YTHDF2: variants seen among roughly 807,000 people sequenced by gnomAD.
The protein encoded by YTHDF2 is YTH domain-containing family protein 2.
In YTHDF2, 2 loss-of-function variants were observed where a neutral mutation model predicts 50.4. That is an observed-to-expected ratio of 0.04 (90% CI 0.02 to 0.12). The LOEUF (loss-of-function observed/expected upper bound fraction) is 0.12, where lower values mean the gene tolerates loss of function less well. Ranked by LOEUF, YTHDF2 falls within the 10% of genes least tolerant of loss-of-function variation. YTHDF2 has a pLI of 1.00. For synonymous variants in YTHDF2, 217 were observed against 255.6 expected (o/e 0.85, Z 1.44); for missense variants, 483 against 722.6 (o/e 0.67, Z 3.80).
Position 28,758,737 on chromosome 1 carries a change from T to G in YTHDF2, c.1717-10192T>G, listed in dbSNP as rs2124197674. Among the ~76,000 whole-genome samples, 4 of 152,324 alleles carry G rather than the reference T, an allele frequency of 2.6e-5. 1 individual carries two copies. The highest frequency in any genetic ancestry group is 2.6e-4 in the Admixed American group (4 of 15,302). ...CCTCACTTTGGTGGCAGAGCTAGAA[T>G]TAGAACCTAGACAAGTTCTTGGCTA... On this transcript the variant is annotated intron_variant, in intron 4 of 4. Transcript: ENST00000373812.
At chr1:28,755,050 T>C (rs2088016759) in intron 4 of YTHDF2, among the ~76,000 whole-genome samples, 1 of 150,486 alleles carries the variant, frequency 6.6e-6, no homozygotes, top group Non-Finnish European at 1.5e-5. Flanking sequence ...AAAAAGATGA[T>C]GAGGGCCTGA....
rs61787570 is a variant in YTHDF2, at chr1:28,742,931, G to A, written c.661G>A (p.Val221Met). 7,334 of 1,614,090 alleles carry A rather than the reference G, an allele frequency of 4.5e-3. 30 individuals carry two copies. Among genetic ancestry groups the A allele is most frequent in the Non-Finnish European group, 5.5e-3 (6,523 of 1,180,018 alleles). Residue 221 changes from valine to methionine, a missense_variant, in exon 4 of 5, where the codon GTG becomes ATG. Physicochemically the swap from Val to Met is conservative, Grantham distance 21. Around this residue, in one of 4 missense-constraint regions of YTHDF2, gnomAD observed 385 missense variants for 475.8 expected, o/e 0.81. Transcript: ENST00000373812. Reference sequence around the variant, plus strand: ...TAGCGGGTCCATTACTAGTAACATCGTGGCTTCCAATAGTTTGCCTCCAGC... The same window carrying A: ...TAGCGGGTCCATTACTAGTAACATCATGGCTTCCAATAGTTTGCCTCCAGC... ...VGSGSITSNI[V>M]ASNSLPPATI... is the part of the protein sequence containing the mutation.
In YTHDF2 at chr1:28,742,553, G is replaced by A. The variant is rs781678699; in HGVS notation, c.283G>A (p.Gly95Arg). Residue 95 changes from glycine (G) to arginine (R), a missense_variant, in exon 4 of 5, where the codon GGA (glycine) becomes AGA (arginine). Gly to Arg is a moderately radical substitution (Grantham distance 125). Transcript: ENST00000373812. Reference protein sequence around the residue: ...YLTSYGQLSNGEPHFLPDAMF... With the variant: ...YLTSYGQLSNREPHFLPDAMF... ...AACTTCTTATGGACAGCTGAGCAAC[G>A]GAGAGCCCCACTTCCTACCAGATGC... is the stretch of plus-strand genomic sequence containing the variant. 2.5e-6 allele frequency: 4 copies of A among 1,614,064 alleles called. No individual in the cohort carries two copies. Among genetic ancestry groups the A allele is most frequent in the Non-Finnish European group, 2.5e-6 (3 of 1,180,006 alleles).
intron 4 of YTHDF2, among the ~76,000 whole-genome samples, chr1:28,766,634 C>G (rs893572344): frequency 1.3e-5 from 2 of 151,982 alleles, no homozygotes; most frequent in African/African-American, 4.8e-5. Flanking sequence ...ATGTAAATAA[C>G]TTGTTTCTCA....
chr1:28,753,673 G>A (rs1013635362), intron 4 of YTHDF2, among the ~76,000 whole-genome samples: 1 of 151,608 alleles, frequency 6.6e-6, no homozygotes, highest in African/African-American at 2.4e-5. Context: ...GATTGGTTGG[G>A]CAAGTATATG....
intron 4 of YTHDF2, among the ~76,000 whole-genome samples, chr1:28,744,826 G>T (rs373300068): frequency 6.6e-6 from 1 of 151,946 alleles, no homozygotes; most frequent in Non-Finnish European, 1.5e-5. Context: ...GCACCACCAT[G>T]CCCGGCTAGT....
chr1:28,739,837 A>G (rs1284267351), intron 3 of YTHDF2, among the ~76,000 whole-genome samples: 2 of 152,194 alleles, frequency 1.3e-5, no homozygotes, highest in Non-Finnish European at 2.9e-5. Context: ...GTTCTTTTGT[A>G]TTATTATCTC....
upstream of YTHDF2, chr1:28,736,678 C>G (rs1046862640): frequency 6.5e-5 from 13 of 200,766 alleles, no homozygotes; most frequent in African/African-American, 3.1e-4. Context: ...CCCAAACCCC[C>G]TAGGCCTTAA....
At chr1:28,751,090 C>CAAAAAAAAA (rs56916547) in intron 4 of YTHDF2, among the ~76,000 whole-genome samples, 4,911 of 33,472 alleles carry the variant, frequency 0.15, 1,265 homozygotes, top group Non-Finnish European at 0.19. Flanking sequence ...GAGACTGTCT[C>CAAAAAAAAA]AAAAAAAAAA....
chr1:28,749,889 T>TA (rs773113455), intron 4 of YTHDF2, among the ~76,000 whole-genome samples: 23 of 150,120 alleles, frequency 1.5e-4, no homozygotes, highest in Admixed American at 4.7e-4. Flanking sequence ...AGTTTTAGTC[T>TA]AAAAAAAAGT....
At chr1:28,757,323 T>G (rs2124195358) in intron 4 of YTHDF2, among the ~76,000 whole-genome samples, 1 of 152,188 alleles carries the variant, frequency 6.6e-6, no homozygotes, top group East Asian at 1.9e-4. Context: ...TAATTTGAAT[T>G]GGGTCTAAAA....
chr1:28,737,753 A>T, intron 2 of YTHDF2, 71 bp downstream of exon 2: 1 of 1,583,692 alleles, frequency 6.3e-7, no homozygotes, highest in Non-Finnish European at 8.6e-7. Flanking sequence ...GGTCTCCGGG[A>T]AGCGCCCCGG....
In YTHDF2 at chr1:28,750,978, A is replaced by T. The variant is rs548561595; in HGVS notation, c.1716+6992A>T. Among the ~76,000 whole-genome samples the T allele has an allele frequency of 6.0e-5, 9 of 150,772 alleles. No homozygotes were observed. In the South Asian group the frequency reaches 1.9e-3, roughly 32 times the overall value. The stretch of plus-strand genomic sequence containing the variant: ...CGTGGTGGCTCGTGCCTGTAATACC[A>T]GCTAGTTAGGAGGCTGAGGTATAAG... On this transcript the variant is annotated intron_variant, in intron 4 of 4. Transcript: ENST00000373812.
intron 4 of YTHDF2, among the ~76,000 whole-genome samples, chr1:28,745,310 T>TA (rs2087841099): frequency 6.6e-6 from 1 of 152,190 alleles, no homozygotes; most frequent in Admixed American, 6.5e-5. Context: ...AAATGGGAGT[T>TA]ACACTTGTCA....
At chr1:28,750,600 A>G (rs1410416894) in intron 4 of YTHDF2, among the ~76,000 whole-genome samples, 1 of 152,218 alleles carries the variant, frequency 6.6e-6, no homozygotes, top group Non-Finnish European at 1.5e-5. Flanking sequence ...AGGTTGTTTC[A>G]TAATTTCTGA....
At chr1:28,762,482 T>C (rs1338069250) in intron 4 of YTHDF2, among the ~76,000 whole-genome samples, 1 of 152,240 alleles carries the variant, frequency 6.6e-6, no homozygotes, top group Non-Finnish European at 1.5e-5. Flanking sequence ...TTGGGTTTCT[T>C]TCAAGGTTCA....
intron 4 of YTHDF2, among the ~76,000 whole-genome samples, chr1:28,746,540 A>AGCCAGCAGTTTGAG (rs1160479367): frequency 2.0e-5 from 3 of 149,330 alleles, no homozygotes; most frequent in South Asian, 4.2e-4. Context: ...AGCAGTTTGA[A>AGCCAGCAGTTTGAG]GCCAGCAGTT....
intron 4 of YTHDF2, among the ~76,000 whole-genome samples, chr1:28,768,523 C>A (rs2088254805): frequency 6.6e-6 from 1 of 151,996 alleles, no homozygotes; most frequent in African/African-American, 2.4e-5. Context: ...TGTCCAAGGC[C>A]TTGGGACTAG....
At chr1:28,751,995 C>T (rs180736898) in intron 4 of YTHDF2, among the ~76,000 whole-genome samples, 29 of 152,280 alleles carry the variant, frequency 1.9e-4, no homozygotes, top group Admixed American at 1.3e-3. Flanking sequence ...CACTGTAATT[C>T]TCATATTTCA....
Sources: gnomAD v4.1 joint callset for allele counts (sites outside exome capture counted in the v4.1 genomes callset) on GRCh38, gnomAD v4.1.1 for gene constraint, gnomAD v4.1.1 regional missense constraint, MANE v1.5 for transcripts, NCBI Gene and HGNC (gene_info 2026-07-23, HGNC 2026-07-21) for gene names.